ARHGAP26: variants seen among roughly 807,000 people sequenced by gnomAD.
The protein encoded by ARHGAP26 is rho GTPase-activating protein 26.
A neutral mutation model predicts 104.8 loss-of-function variants in ARHGAP26; 38 were observed. The observed-to-expected ratio is 0.36, with a 90% CI of 0.28 to 0.48. The LOEUF is 0.48. ARHGAP26 is among the 20% of genes least tolerant of loss of function. The pLI is 0.99. For missense variants in ARHGAP26, 704 were observed against 947.9 expected (o/e 0.74, Z 3.38); for synonymous variants, 341 against 340.0 (o/e 1.00, Z -0.03).
intron 11 of ARHGAP26, among the ~76,000 whole-genome samples, chr5:142,992,027 G>T (rs568131454): frequency 1.4e-4 from 21 of 150,558 alleles, no homozygotes; most frequent in African/African-American, 5.2e-4. Flanking sequence ...TTTTCAAAAA[G>T]TAAAACATAT....
intron 20 of ARHGAP26, among the ~76,000 whole-genome samples, chr5:143,186,030 C>G (rs183520429): frequency 6.6e-6 from 1 of 152,148 alleles, no homozygotes; most frequent in African/African-American, 2.4e-5. Flanking sequence ...GAGGCCATGG[C>G]TCAGAAGGAA....
At chr5:143,110,119 CATGAG>C (rs1419258062) in intron 17 of ARHGAP26, among the ~76,000 whole-genome samples, 1 of 152,252 alleles carries the variant, frequency 6.6e-6, no homozygotes, top group Non-Finnish European at 1.5e-5. Flanking sequence ...ATGCCTTCTC[CATGAG>C]ATGTCCTTGA....
Position 143,109,811 on chromosome 5 carries a change from G to A in ARHGAP26, c.1539-11177G>A, listed in dbSNP as rs533294261. Among the ~76,000 whole-genome samples, 13 of 152,266 alleles carry A rather than the reference G, an allele frequency of 8.5e-5. No individual in the cohort carries two copies. In the South Asian group the frequency reaches 1.4e-3, roughly 17 times the overall value. The stretch of plus-strand genomic sequence containing the variant: ...TTTAGGTCTTAGTTGAGACCTTTCC[G>A]AGTCTACAGAGAGGATGACTAATAC... On this transcript the variant is annotated intron_variant, in intron 17 of 22. Coordinates refer to ENST00000645722, the MANE Select transcript of ARHGAP26 (RefSeq NM_001135608.3).
At chr5:143,121,669 C>G (rs1796151555) in intron 18 of ARHGAP26, among the ~76,000 whole-genome samples, 1 of 152,116 alleles carries the variant, frequency 6.6e-6, no homozygotes. Flanking sequence ...GTGCGCGTGT[C>G]TTTATGGTCT....
intron 1 of ARHGAP26, among the ~76,000 whole-genome samples, chr5:142,863,627 G>C (rs1429565009): frequency 6.6e-6 from 1 of 152,190 alleles, no homozygotes; most frequent in Non-Finnish European, 1.5e-5. Flanking sequence ...GGAGAATAAA[G>C]AAGCTGTGAT....
intron 11 of ARHGAP26, among the ~76,000 whole-genome samples, chr5:142,936,075 A>G (rs913622868): frequency 6.6e-6 from 1 of 150,870 alleles, no homozygotes; most frequent in African/African-American, 2.5e-5. Flanking sequence ...CCACTTTCAG[A>G]TAACACAATT....
In ARHGAP26 at chr5:143,121,164, C is replaced by A; in HGVS notation, c.1698+17C>A. 4 of 1,607,366 alleles carry A rather than the reference C, an allele frequency of 2.5e-6. No individual in the cohort carries two copies. The highest frequency in any genetic ancestry group is 1.1e-5 in the South Asian group (1 of 90,352). ...CACGAAAAGGTAATATGTAATTGATCACTTGCAGTGAAGAATGTACCTGGG... is the reference window on the plus strand; with the variant it reads ...CACGAAAAGGTAATATGTAATTGATAACTTGCAGTGAAGAATGTACCTGGG... On this transcript the variant is annotated intron_variant, in intron 18 of 22. Coordinates refer to ENST00000645722, the MANE Select transcript of ARHGAP26 (RefSeq NM_001135608.3).
intron 1 of ARHGAP26, among the ~76,000 whole-genome samples, chr5:142,829,446 C>T (rs1199609976): frequency 6.6e-6 from 1 of 152,176 alleles, no homozygotes; most frequent in African/African-American, 2.4e-5. Context: ...TTCTTTTCCA[C>T]CCAAATTAGC....
At chr5:143,160,964 G>C (rs528771127) in intron 20 of ARHGAP26, among the ~76,000 whole-genome samples, 48 of 151,308 alleles carry the variant, frequency 3.2e-4, no homozygotes, top group African/African-American at 1.1e-3. Context: ...TCAGGAAGCT[G>C]AGTAGAACCA....
intron 1 of ARHGAP26, among the ~76,000 whole-genome samples, chr5:142,835,165 GTTTC>G (rs1158004303): frequency 6.6e-6 from 1 of 152,146 alleles, no homozygotes; most frequent in African/African-American, 2.4e-5. Context: ...TTTTCTTGAT[GTTTC>G]TTTCATTGTT....
chr5:142,847,271 T>G (rs549286862), intron 1 of ARHGAP26, among the ~76,000 whole-genome samples: 27 of 152,218 alleles, frequency 1.8e-4, no homozygotes, highest in Non-Finnish European at 3.2e-4. Context: ...TAGGTACTGT[T>G]ATCTCCTTGT....
intron 12 of ARHGAP26, among the ~76,000 whole-genome samples, chr5:143,015,515 T>C (rs1303863429): frequency 6.6e-6 from 1 of 152,220 alleles, no homozygotes. Flanking sequence ...TGGTCTAATT[T>C]GGGTCCACCC....
intron 11 of ARHGAP26, among the ~76,000 whole-genome samples, chr5:142,950,587 G>T (rs936522978): frequency 1.3e-4 from 19 of 151,962 alleles, no homozygotes; most frequent in African/African-American, 4.3e-4. Context: ...TTCCACTATT[G>T]TTATCAGAAT....
rs1390955442 is a variant in ARHGAP26, at chr5:143,056,071, T to C, written c.1417T>C (p.Phe473Leu). The C allele has an allele frequency of 6.2e-7, 1 of 1,613,184 alleles. No individual in the cohort carries two copies. Among genetic ancestry groups the C allele is most frequent in the African/African-American group, 1.3e-5 (1 of 74,872 alleles). Residue 473 changes from phenylalanine to leucine, a missense_variant, in exon 16 of 23, where the codon TTC (phenylalanine) becomes CTC (leucine). Around this residue, in one of 6 missense-constraint regions of ARHGAP26, gnomAD observed 287 missense variants for 438.8 expected, o/e 0.65. Transcript: ENST00000645722. ...CATGATGTACCAGTTTCAAAGAAGT[T>C]TCATCAAAGCAGCAAGTAAGTCTTT... ...PLMMYQFQRS[F>L]IKAAKLENQE...
intron 1 of ARHGAP26, among the ~76,000 whole-genome samples, chr5:142,814,380 G>A (rs1016526765): frequency 6.6e-6 from 1 of 152,230 alleles, no homozygotes; most frequent in Admixed American, 6.5e-5. Flanking sequence ...AGATTCATCG[G>A]TTTCCAATTC....
chr5:143,052,843 C>T (rs1459914879), intron 14 of ARHGAP26, among the ~76,000 whole-genome samples: 3 of 152,146 alleles, frequency 2.0e-5, no homozygotes, highest in East Asian at 1.9e-4. Flanking sequence ...GGCTGTTGGT[C>T]CTGCAGGAGG....
chr5:143,020,361 G>C (rs1310958783), intron 12 of ARHGAP26, among the ~76,000 whole-genome samples: 1 of 152,188 alleles, frequency 6.6e-6, no homozygotes, highest in Non-Finnish European at 1.5e-5. Context: ...GTGATCTGCT[G>C]TGGAGGTTCA....
At chr5:142,933,433 G>C (rs1014819029) in intron 11 of ARHGAP26, among the ~76,000 whole-genome samples, 3 of 152,188 alleles carry the variant, frequency 2.0e-5, no homozygotes, top group Non-Finnish European at 2.9e-5. Flanking sequence ...ATAGTAAATG[G>C]CTATATTAGT....
chr5:142,936,912 C>T (rs570438161), intron 11 of ARHGAP26, among the ~76,000 whole-genome samples: 1 of 151,538 alleles, frequency 6.6e-6, no homozygotes, highest in Non-Finnish European at 1.5e-5. Context: ...AAATGTAACA[C>T]TTGAAAACTT....
Sources: allele counts gnomAD v4.1 joint callset (sites outside exome capture counted in the v4.1 genomes callset), GRCh38; gene constraint gnomAD v4.1.1; regional missense constraint gnomAD v4.1.1; transcripts MANE v1.5; gene names NCBI Gene and HGNC (gene_info 2026-07-23, HGNC 2026-07-21).